Variants in AK8 observed in about 807,000 individuals in gnomAD.
The protein encoded by AK8 is adenylate kinase 8.
In AK8, 44 loss-of-function variants were observed where a neutral mutation model predicts 54.6. That is an observed-to-expected ratio of 0.81 (90% confidence interval 0.63 to 1.04). The LOEUF (loss-of-function observed/expected upper bound fraction) is 1.04, where lower values mean the gene tolerates loss of function less well. Among genes scored for constraint, AK8 ranks in the 50% least tolerant of loss-of-function variants. The pLI is 0.00. For missense variants in AK8, 555 were observed against 613.6 expected (o/e 0.90, Z 1.01); for synonymous variants, 239 against 245.6 (o/e 0.97, Z 0.25).
At chr9:132,816,383 GA>G (rs898295434) in intron 9 of AK8, among the ~76,000 whole-genome samples, 53 of 150,336 alleles carry the variant, frequency 3.5e-4, no homozygotes, top group African/African-American at 1.2e-3. Context: ...AGAAAGAAAA[GA>G]AAAAAAAAGC....
intron 10 of AK8, among the ~76,000 whole-genome samples, chr9:132,798,728 T>C (rs1840299245): frequency 6.6e-6 from 1 of 151,882 alleles, no homozygotes; most frequent in South Asian, 2.1e-4. Context: ...CCATAAAAGA[T>C]GGCAGTCCTC....
chr9:132,877,032 C>T (rs1286020865), intron 1 of AK8, among the ~76,000 whole-genome samples: 2 of 152,200 alleles, frequency 1.3e-5, no homozygotes, highest in Non-Finnish European at 2.9e-5. Flanking sequence ...TATCACTGCA[C>T]TCCAGCCTGG....
At chr9:132,847,446 C>A (rs376062831) in intron 5 of AK8, among the ~76,000 whole-genome samples, 1 of 152,096 alleles carries the variant, frequency 6.6e-6, no homozygotes, top group Non-Finnish European at 1.5e-5. Flanking sequence ...GTGCTTAGAA[C>A]GAATGCTCAT....
At chr9:132,755,490 G>A (rs1838144528) in intron 11 of AK8, among the ~76,000 whole-genome samples, 1 of 152,214 alleles carries the variant, frequency 6.6e-6, no homozygotes, top group Non-Finnish European at 1.5e-5. Flanking sequence ...GGAAGCTCCT[G>A]GGAGAGGGAC....
chr9:132,738,791 C>T (rs1192190903), intron 11 of AK8, among the ~76,000 whole-genome samples: 1 of 142,868 alleles, frequency 7.0e-6, no homozygotes, highest in African/African-American at 2.6e-5. Context: ...TCTCACTCTG[C>T]CCCCCCAGGC....
chr9:132,783,631 C>A (rs1190323469), intron 11 of AK8, among the ~76,000 whole-genome samples: 1 of 149,704 alleles, frequency 6.7e-6, no homozygotes, highest in East Asian at 2.0e-4. Flanking sequence ...ATGAATTACT[C>A]CAGGAAACAT....
At chr9:132,817,618 A>C (rs1273902017) in intron 9 of AK8, among the ~76,000 whole-genome samples, 2 of 152,216 alleles carry the variant, frequency 1.3e-5, no homozygotes, top group East Asian at 3.8e-4. Flanking sequence ...GGTGTGCTGC[A>C]ATCAGTGAAT....
In AK8 at chr9:132,826,057, C is replaced by A. The variant is rs1405462813; in HGVS notation, c.757+797G>T. ...GCAGGGTGTTGAACAATGATAGGAG[C>A]TATGACGACTGATGTTTATTGAGGC... On this transcript the variant is annotated intron_variant, in intron 8 of 12. Transcript: ENST00000298545. The surrounding 1 kb of genome is among the most constrained non-coding windows in gnomAD (Gnocchi z 4.5). Among the ~76,000 whole-genome samples the A allele has an allele frequency of 6.6e-6, 1 of 152,180 alleles. No homozygotes were observed. Among genetic ancestry groups the A allele is most frequent in the African/African-American group, 2.4e-5 (1 of 41,428 alleles).
intron 5 of AK8, among the ~76,000 whole-genome samples, chr9:132,840,933 C>T (rs1842517860): frequency 1.3e-5 from 2 of 152,064 alleles, no homozygotes; most frequent in African/African-American, 4.8e-5. Context: ...TAACACAAAG[C>T]CCAGGTATGA....
intron 11 of AK8, among the ~76,000 whole-genome samples, chr9:132,758,871 T>C (rs936198126): frequency 2.0e-5 from 3 of 152,100 alleles, no homozygotes; most frequent in Non-Finnish European, 4.4e-5. Flanking sequence ...TACTGAGATA[T>C]AATTCACACA....
intron 7 of AK8, chr9:132,827,704 G>C: frequency 2.6e-6 from 1 of 388,282 alleles, no homozygotes; most frequent in Non-Finnish European, 4.7e-6. Flanking sequence ...GTCCCAGGGA[G>C]AGGCAGACAT....
chr9:132,747,346 G>A (rs771846374), intron 11 of AK8, among the ~76,000 whole-genome samples: 26 of 151,800 alleles, frequency 1.7e-4, no homozygotes, highest in Non-Finnish European at 3.2e-4. Flanking sequence ...TCACCATGTT[G>A]GTTTCACCAT....
intron 5 of AK8, among the ~76,000 whole-genome samples, chr9:132,851,465 G>A (rs1313134383): frequency 6.6e-6 from 1 of 152,222 alleles, no homozygotes; most frequent in Non-Finnish European, 1.5e-5. Flanking sequence ...GGAGCACCAG[G>A]GAACTAGGAG....
At chr9:132,771,480 C>G (rs987794473) in intron 11 of AK8, among the ~76,000 whole-genome samples, 1 of 152,164 alleles carries the variant, frequency 6.6e-6, no homozygotes, top group Non-Finnish European at 1.5e-5. Flanking sequence ...TATGCTTAAG[C>G]CCCTACCACA....
intron 11 of AK8, among the ~76,000 whole-genome samples, chr9:132,788,233 T>A (rs1839798241): frequency 6.6e-6 from 1 of 152,222 alleles, no homozygotes; most frequent in Non-Finnish European, 1.5e-5. Context: ...AGCTAACGCC[T>A]TCCAGCTGAG....
intron 11 of AK8, among the ~76,000 whole-genome samples, chr9:132,782,482 G>C (rs986356511): frequency 6.6e-6 from 1 of 152,120 alleles, no homozygotes; most frequent in African/African-American, 2.4e-5. Context: ...CTGAGGTCAG[G>C]AGTTTGACAC....
chr9:132,821,155 G>A lies in AK8; in HGVS notation c.889+2050C>T, dbSNP rs933421111. On this transcript the variant is annotated intron_variant, in intron 9 of 12. Transcript: ENST00000298545. Reference sequence around the variant, plus strand: ...AAAAAAAAAACCTTTTATTGAATGAGAGTGTCTGCATCATAAAACAGAGCA... The same window carrying A: ...AAAAAAAAAACCTTTTATTGAATGAAAGTGTCTGCATCATAAAACAGAGCA... Among the ~76,000 whole-genome samples, 4 of 151,500 alleles carry A rather than the reference G, an allele frequency of 2.6e-5. 1 individual carries two copies.
chr9:132,873,315 TG>T (rs1409604624), intron 2 of AK8, among the ~76,000 whole-genome samples: 1 of 152,182 alleles, frequency 6.6e-6, no homozygotes, highest in East Asian at 1.9e-4. Flanking sequence ...AGCTTCTATC[TG>T]GGTTAACCAA....
chr9:132,802,019 T>C (rs1840481831), intron 10 of AK8, among the ~76,000 whole-genome samples: 1 of 152,306 alleles, frequency 6.6e-6, no homozygotes, highest in Middle Eastern at 3.4e-3. Context: ...TGCCCTGCGC[T>C]CTGCATTCCA....
Sources: allele counts gnomAD v4.1 joint callset (sites outside exome capture counted in the v4.1 genomes callset), GRCh38; gene constraint gnomAD v4.1.1; non-coding constraint Gnocchi (gnomAD v3.1); transcripts MANE v1.5; gene names NCBI Gene and HGNC (gene_info 2026-07-23, HGNC 2026-07-21).